RYR1: variants seen among roughly 807,000 people sequenced by gnomAD.
RYR1 encodes the protein ryanodine receptor 1.
A neutral mutation model predicts 583.5 loss-of-function variants in RYR1; 342 were observed. That is an observed-to-expected ratio of 0.59 (90% confidence interval 0.54 to 0.64). The LOEUF is 0.64. Ranked by LOEUF, RYR1 falls within the 30% of genes least tolerant of loss-of-function variation. RYR1 has a pLI of 0.00. For missense variants in RYR1, 6,032 were observed against 6,917.2 expected (o/e 0.87, Z 4.54); for synonymous variants, 2,791 against 2,822.5 (o/e 0.99, Z 0.35).
At position 38,532,659 on chromosome 19, in the gene RYR1, C is replaced by T; in HGVS notation, c.11194-12C>T. On this transcript the variant is annotated splice_polypyrimidine_tract_variant and intron_variant, in intron 77 of 105. Transcript: ENST00000359596. ...TGCTTTGTTCATCCCTTAACTGATG[C>T]CCCCTCCCCAGAGCTGCCACCTGGA... 6.2e-7 allele frequency: 1 copy of T among 1,614,020 alleles called. No homozygotes were observed. The highest frequency in any genetic ancestry group is 1.3e-5 in the African/African-American group (1 of 75,012).
Position 38,519,255 on chromosome 19 carries a change from C to T in RYR1, c.10060C>T (p.Leu3354=), listed in dbSNP as rs1971113132. The T allele has an allele frequency of 1.9e-6, 3 of 1,614,034 alleles. No homozygotes were observed. The highest frequency in any genetic ancestry group is 2.7e-5 in the African/African-American group (2 of 74,932). ...PIVSRARPEL[L]QSHFIPTIGR... ...TGTGAGCCGTGCACGGCCGGAGCTC[C>T]TGCAGTCCCACTTCATCCCAACTAT... The change falls in exon 67 of 106, where the codon CTG becomes TTG. Residue 3354 remains leucine, a synonymous_variant. Transcript: ENST00000359596.
chr19:38,455,117 G>T (rs1470453752), intron 13 of RYR1, 118 bp from the exon 14 acceptor site: 4 of 1,239,674 alleles, frequency 3.2e-6, no homozygotes, highest in Non-Finnish European at 4.7e-6. Flanking sequence ...GGCTGATTTA[G>T]ATCTGGGAAC....
chr19:38,567,025 A>G (rs1316544314), intron 92 of RYR1, 38 bp downstream of exon 92: 3 of 1,556,442 alleles, frequency 1.9e-6, no homozygotes, highest in East Asian at 2.4e-5. Flanking sequence ...AGCCCCTATC[A>G]CTGCCTCCCT....
intron 11 of RYR1, among the ~76,000 whole-genome samples, chr19:38,450,488 GACA>G (rs1967016888): frequency 6.6e-6 from 1 of 152,112 alleles, no homozygotes; most frequent in Non-Finnish European, 1.5e-5. Context: ...GTTAAGAGGG[GACA>G]TTTAATAGGC....
Position 38,587,486 on chromosome 19 carries a change from C to A in RYR1, c.*66C>A. 8.7e-7 allele frequency: 1 copy of A among 1,148,848 alleles called. No homozygotes were observed. The highest frequency in any genetic ancestry group is 1.3e-6 in the Non-Finnish European group (1 of 759,542). 71.2% of individuals were successfully genotyped at this position (1,148,848 alleles called of 1,614,324 possible). A position where few individuals can be genotyped will look rare whatever the true frequency, so the allele number is the denominator to read the frequency against. On this transcript the variant is annotated 3_prime_UTR_variant, in exon 106 of 106. Transcript: ENST00000359596. ...TATTCTCACAGCAAGCCCCTTAGTC[C>A]CCAAGCCCCTCCCCCTAAGGCAGCT...
At chr19:38,520,066 G>GTTTGCTT (rs1971154344) in intron 67 of RYR1, among the ~76,000 whole-genome samples, 1 of 140,260 alleles carries the variant, frequency 7.1e-6, no homozygotes, top group Non-Finnish European at 1.5e-5. Context: ...GTAAGGAATA[G>GTTTGCTT]TTTGCTTTTT....
chr19:38,525,277 G>T (rs954856850), intron 70 of RYR1, 55 bp from the exon 71 acceptor site: 16 of 1,610,570 alleles, frequency 9.9e-6, no homozygotes, highest in Non-Finnish European at 1.2e-5. Context: ...CCGCGGGTTG[G>T]GGCTGAGGCA....
Position 38,565,761 on chromosome 19 carries a change from G to A in RYR1, c.13427G>A (p.Arg4476Lys). 1.4e-6 allele frequency: 2 copies of A among 1,405,280 alleles called. No individual in the cohort carries two copies. Among genetic ancestry groups the A allele is most frequent in the Non-Finnish European group, 1.8e-6 (2 of 1,088,250 alleles). The allele number at this position is 1,405,280 out of a possible 1,614,324, so 87.1% of individuals were successfully genotyped here. A position where few individuals can be genotyped will look rare whatever the true frequency, so the allele number is the denominator to read the frequency against. The change falls in exon 91 of 106, where the codon AGG becomes AAG. Residue 4476 changes from arginine (R) to lysine (K), a missense_variant. Around this residue, in one of 11 missense-constraint regions of RYR1, gnomAD observed 753 missense variants for 759.6 expected, o/e 0.99. Coordinates refer to ENST00000359596, the MANE Select transcript of RYR1 (RefSeq NM_000540.3). The surrounding 1 kb of genome is among the most constrained non-coding windows in gnomAD (Gnocchi z 4.7). ...PTPEGSPILK[R>K]KLGVDGVEEE... The stretch of plus-strand genomic sequence containing the variant: ...CCCGAGGGCTCTCCCATCCTCAAGA[G>A]GAAATTGGGGGTGAGAGAGCAGGCG...
Position 38,463,499 on chromosome 19 carries a change from G to A in RYR1, c.2654G>A (p.Arg885His), listed in dbSNP as rs370634440. 1.9e-4 allele frequency: 302 copies of A among 1,612,934 alleles called. No homozygotes were observed. Among genetic ancestry groups the A allele is most frequent in the South Asian group, 3.2e-4 (29 of 91,076 alleles). Reference sequence around the variant, plus strand: ...ATCCACGAGCTCTGGGCGCTAACCCGCATCGAGCAGGGCTGGACCTACGGC... The same window carrying A: ...ATCCACGAGCTCTGGGCGCTAACCCACATCGAGCAGGGCTGGACCTACGGC... ...ENIHELWALT[R>H]IEQGWTYGPV... The change falls in exon 21 of 106, where the codon CGC becomes CAC. Residue 885 changes from arginine (R) to histidine (H), a missense_variant. Arg to His is a conservative substitution (Grantham distance 29). Transcript: ENST00000359596.
Position 38,501,074 on chromosome 19 carries a change from C to T in RYR1, c.7614+84C>T. ...GGTCACGGTAGAGCAGCAGCAGCTG[C>T]TTTTGTTTTTCTTGGGATTGTGGAC... is the stretch of plus-strand genomic sequence containing the variant. On this transcript the variant is annotated intron_variant, in intron 47 of 105. Transcript: ENST00000359596. The T allele has an allele frequency of 2.9e-6, 4 of 1,395,236 alleles. No individual in the cohort carries two copies. In the South Asian group the frequency reaches 3.6e-5, roughly 13 times the overall value. 86.4% of individuals were successfully genotyped at this position (1,395,236 alleles called of 1,614,324 possible). A position where few individuals can be genotyped will look rare whatever the true frequency, so the allele number is the denominator to read the frequency against.
chr19:38,539,294 G>A (rs1972107004), intron 84 of RYR1, among the ~76,000 whole-genome samples: 1 of 146,070 alleles, frequency 6.8e-6, no homozygotes, highest in Non-Finnish European at 1.5e-5. Context: ...AGACTGGAGT[G>A]CAGTGGTGTG....
At chr19:38,434,915 C>T (rs1025287111) in intron 1 of RYR1, among the ~76,000 whole-genome samples, 27 of 152,294 alleles carry the variant, frequency 1.8e-4, no homozygotes, top group Admixed American at 1.1e-3. Context: ...GAGCCGGGTC[C>T]GGTTTCCTGG....
At chr19:38,557,620 GAAACC>G in intron 89 of RYR1, among the ~76,000 whole-genome samples, 1 of 152,162 alleles carries the variant, frequency 6.6e-6, no homozygotes. Context: ...GCAACATGGC[GAAACC>G]AAACCCTGTC....
chr19:38,577,368 C>T (rs1298033269), intron 97 of RYR1, among the ~76,000 whole-genome samples: 1 of 152,174 alleles, frequency 6.6e-6, no homozygotes, highest in African/African-American at 2.4e-5. Flanking sequence ...ATTTACGGAG[C>T]ACCTATTATG....
intron 13 of RYR1, among the ~76,000 whole-genome samples, chr19:38,454,193 C>A (rs1414316612): frequency 1.3e-5 from 2 of 152,162 alleles, no homozygotes; most frequent in Non-Finnish European, 2.9e-5. Context: ...GTGTGAGCCA[C>A]CACGCCTGGC....
At chr19:38,473,258 C>T (rs1968523332) in intron 27 of RYR1, 119 bp from the exon 28 acceptor site, 8 of 1,298,930 alleles carry the variant, frequency 6.2e-6, no homozygotes, top group Non-Finnish European at 8.8e-6. Flanking sequence ...GGGCCCTTGA[C>T]TAATTCCCAT....
chr19:38,467,655 G>A lies in RYR1; in HGVS notation c.3224G>A (p.Arg1075Gln), dbSNP rs749040743. 6 of 1,614,066 alleles carry A rather than the reference G, an allele frequency of 3.7e-6. No homozygotes were observed. The highest frequency in any genetic ancestry group is 1.7e-5 in the Admixed American group (1 of 59,996). The change falls in exon 25 of 106, where the codon CGG becomes CAG. Residue 1075 changes from arginine to glutamine, a missense_variant. Physicochemically the swap from Arg to Gln is conservative, Grantham distance 43 (BLOSUM62 1). Around this residue, in one of 11 missense-constraint regions of RYR1, gnomAD observed 2,627 missense variants for 2,961.3 expected, o/e 0.89. Transcript: ENST00000359596. ...QSRCDRVRIF[R>Q]AEKSYTVQSG... ...CGTTGTGACCGGGTGCGCATCTTCC[G>A]GGCAGAGAAATCCTATACAGTGCAG...
intron 58 of RYR1, among the ~76,000 whole-genome samples, chr19:38,508,699 A>G (rs1970591432): frequency 6.6e-6 from 1 of 152,194 alleles, no homozygotes; most frequent in African/African-American, 2.4e-5. Context: ...GATGCCCTGT[A>G]GCTGAAGCAG....
chr19:38,587,163 G>A (rs1974530852), intron 105 of RYR1, among the ~76,000 whole-genome samples, 162 bp from the exon 106 acceptor site: 1 of 152,096 alleles, frequency 6.6e-6, no homozygotes, highest in Admixed American at 6.6e-5. Context: ...TGGAGACTGA[G>A]GTGGAGAATC....
Sources: allele counts gnomAD v4.1 joint callset (sites outside exome capture counted in the v4.1 genomes callset), GRCh38; gene constraint gnomAD v4.1.1; regional missense constraint gnomAD v4.1.1; non-coding constraint Gnocchi (gnomAD v3.1); transcripts MANE v1.5; gene names NCBI Gene and HGNC (gene_info 2026-07-23, HGNC 2026-07-21).